The following WAC variants were observed in gnomAD, a reference collection of about 807,000 sequenced individuals.
The protein encoded by WAC is WW domain containing adaptor with coiled-coil, also known as WW domain-containing adapter protein with coiled-coil.
Under a neutral mutation model 79.6 loss-of-function variants are expected in WAC, and 11 were observed. The observed-to-expected ratio is 0.14, with a 90% confidence interval of 0.09 to 0.23. The LOEUF (loss-of-function observed/expected upper bound fraction) is 0.23, where lower values mean the gene tolerates loss of function less well. Ranked by LOEUF, WAC falls within the 10% of genes least tolerant of loss-of-function variation. WAC has a pLI of 1.00. For synonymous variants in WAC, 304 were observed against 276.9 expected, an observed-to-expected ratio of 1.10 and a Z score of -0.97; for missense variants, 728 against 773.5, an observed-to-expected ratio of 0.94 and a Z score of 0.70.
chr10:28,548,115 G>T (rs1439156738), intron 3 of WAC, among the ~76,000 whole-genome samples: 1 of 151,564 alleles, frequency 6.6e-6, no homozygotes, highest in East Asian at 1.9e-4. Flanking sequence ...TAGAAACAGG[G>T]TTTTACCATG....
chr10:28,551,302 T>C (rs551188389), intron 3 of WAC, among the ~76,000 whole-genome samples: 4 of 152,308 alleles, frequency 2.6e-5, no homozygotes. Context: ...AAACTGACTA[T>C]AATGATGTAA....
intron 3 of WAC, among the ~76,000 whole-genome samples, chr10:28,557,738 G>A (rs1431629636): frequency 6.6e-6 from 1 of 152,098 alleles, no homozygotes; most frequent in Non-Finnish European, 1.5e-5. Context: ...GTCCTGGAAT[G>A]TGGAAAAAAT....
chr10:28,584,560 GC>G (rs1301125288), intron 4 of WAC, among the ~76,000 whole-genome samples: 1 of 152,112 alleles, frequency 6.6e-6, no homozygotes, highest in Non-Finnish European at 1.5e-5. Context: ...ATCTCGGGTA[GC>G]AGTGTGGAAA....
intron 10 of WAC, among the ~76,000 whole-genome samples, chr10:28,613,659 C>A (rs1259999645): frequency 6.6e-6 from 1 of 152,138 alleles, no homozygotes; most frequent in African/African-American, 2.4e-5. Context: ...AGGTAATATT[C>A]AGAAGTTAAG....
chr10:28,571,791 T>C (rs1199790235), intron 3 of WAC, among the ~76,000 whole-genome samples: 1 of 152,238 alleles, frequency 6.6e-6, no homozygotes, highest in Non-Finnish European at 1.5e-5. Flanking sequence ...TGCAGGTACC[T>C]GCCTCTGTTT....
At position 28,622,919 on chromosome 10, in the gene WAC, T is replaced by C. The variant is rs1261894703; in HGVS notation, c.*3313T>C. ...TAGATGTTGGGTTTGAATATACAGA[T>C]TTCTTTTCAATACCTGTAAATATGG... On this transcript the variant is annotated 3_prime_UTR_variant, in exon 14 of 14. Coordinates refer to ENST00000354911, the MANE Select transcript of WAC (RefSeq NM_016628.5). 1 of 152,202 alleles carries C rather than the reference T, an allele frequency of 6.6e-6. No individual in the cohort carries two copies. Among genetic ancestry groups the C allele is most frequent in the Admixed American group, 6.5e-5 (1 of 15,270 alleles). 9.4% of individuals were successfully genotyped at this position (152,202 alleles called of 1,614,324 possible).
chr10:28,541,422 T>TTTTTG (rs1837034000), intron 3 of WAC, among the ~76,000 whole-genome samples: 1 of 134,694 alleles, frequency 7.4e-6, no homozygotes, highest in Non-Finnish European at 1.6e-5. Flanking sequence ...TGTGTTTTGT[T>TTTTTG]TTTTTTTTTT....
intron 7 of WAC, among the ~76,000 whole-genome samples, chr10:28,604,826 A>G (rs1840859130): frequency 6.6e-6 from 1 of 152,232 alleles, no homozygotes; most frequent in African/African-American, 2.4e-5. Flanking sequence ...GTAATACACT[A>G]GATTTGTGTA....
chr10:28,532,902 G>C (rs1236484191), upstream of WAC: 1 of 153,114 alleles, frequency 6.5e-6, no homozygotes, highest in Non-Finnish European at 1.5e-5. Context: ...CCCTAAACGG[G>C]AACGGCGGTG....
intron 3 of WAC, among the ~76,000 whole-genome samples, chr10:28,543,734 T>C (rs1472780067): frequency 6.6e-6 from 1 of 152,186 alleles, no homozygotes; most frequent in African/African-American, 2.4e-5. Flanking sequence ...AATTAGGAAA[T>C]GCAGAGAAAA....
chr10:28,560,021 CAACT>C (rs929444206), intron 3 of WAC, among the ~76,000 whole-genome samples: 4 of 152,002 alleles, frequency 2.6e-5, no homozygotes, highest in Admixed American at 2.0e-4. Context: ...TTGAAAGAAT[CAACT>C]GACTGATGAA....
chr10:28,608,143 C>T, intron 7 of WAC, 43 bp from the exon 8 acceptor site: 1 of 1,607,228 alleles, frequency 6.2e-7, no homozygotes, highest in Non-Finnish European at 8.5e-7. Flanking sequence ...TTCCAATTTT[C>T]TCTATTCAGG....
At chr10:28,604,768 C>T (rs1019322575) in intron 7 of WAC, among the ~76,000 whole-genome samples, 1 of 152,078 alleles carries the variant, frequency 6.6e-6, no homozygotes, top group Admixed American at 6.6e-5. Context: ...AGCTCATGTT[C>T]CTAGTACAAA....
chr10:28,610,941 G>A, intron 9 of WAC, 120 bp downstream of exon 9: 1 of 1,165,712 alleles, frequency 8.6e-7, no homozygotes, highest in Non-Finnish European at 1.2e-6. Flanking sequence ...TAAGAGATTA[G>A]CTACAATAAT....
In WAC at chr10:28,535,357, TTTG is replaced by T. The variant is rs1275120333; in HGVS notation, c.79-202_79-200del. The T allele has an allele frequency of 1.1e-5, 5 of 435,698 alleles. No homozygotes were observed. The South Asian group carries it at 2.3e-4, about 20-fold the overall frequency. 27.0% of individuals were successfully genotyped at this position (435,698 alleles called of 1,614,324 possible). ...TGGGTTTTTTTTGTGTTTAGTGTGA[TTTG>T]TTATCAGGAGTCTTATTGTAACGCT... is the stretch of plus-strand genomic sequence containing the variant. On this transcript the variant is annotated intron_variant, in intron 2 of 13. Coordinates refer to ENST00000354911, the MANE Select transcript of WAC (RefSeq NM_016628.5).
intron 4 of WAC, among the ~76,000 whole-genome samples, chr10:28,583,778 A>G (rs1247663687): frequency 6.6e-6 from 1 of 152,152 alleles, no homozygotes; most frequent in African/African-American, 2.4e-5. Flanking sequence ...TTCTGTTGTG[A>G]TATCTGAGAT....
At chr10:28,559,265 T>C (rs183973438) in intron 3 of WAC, among the ~76,000 whole-genome samples, 1 of 152,050 alleles carries the variant, frequency 6.6e-6, no homozygotes, top group East Asian at 1.9e-4. Context: ...TAAGATATGC[T>C]TGGGAAGTAG....
rs759496172 is a variant in WAC, at chr10:28,617,775, G to A, written c.1865G>A (p.Arg622Gln). 6.3e-6 allele frequency: 10 copies of A among 1,583,152 alleles called. No homozygotes were observed. The highest frequency in any genetic ancestry group is 8.5e-6 in the Non-Finnish European group (10 of 1,171,384). ...VRVCEIQATL[R>Q]EQRILFLRQQ... ...GTATGTGAAATTCAAGCAACTTTGC[G>A]AGAGCAAAGGTAAGTCTTTCACTGA... is the stretch of plus-strand genomic sequence containing the variant. The change falls in exon 13 of 14, where the codon CGA (arginine) becomes CAA (glutamine). Residue 622 changes from arginine to glutamine, a missense_variant. Coordinates refer to ENST00000354911, the MANE Select transcript of WAC (RefSeq NM_016628.5).
Position 28,621,816 on chromosome 10 carries a change from C to T in WAC, c.*2210C>T, listed in dbSNP as rs1015164002. On this transcript the variant is annotated 3_prime_UTR_variant, in exon 14 of 14. Transcript: ENST00000354911. ...TTTTGTTTTTCAAAAAAGTTTACAT[C>T]CCTAAATGAATTAGTCACATATATT... The T allele has an allele frequency of 6.6e-6, 1 of 152,144 alleles. No homozygotes were observed. Among genetic ancestry groups the T allele is most frequent in the Admixed American group, 6.5e-5 (1 of 15,286 alleles). 9.4% of individuals were successfully genotyped at this position (152,144 alleles called of 1,614,324 possible).
Sources: gnomAD v4.1 joint callset for allele counts (sites outside exome capture counted in the v4.1 genomes callset) on GRCh38, gnomAD v4.1.1 for gene constraint, MANE v1.5 for transcripts, NCBI Gene and HGNC (gene_info 2026-07-23, HGNC 2026-07-21) for gene names.